EFCAB8: variants seen among roughly 807,000 people sequenced by gnomAD.
The protein encoded by EFCAB8 is EF-hand calcium-binding domain-containing protein 8.
In EFCAB8, 100 loss-of-function variants were observed where a neutral mutation model predicts 116.3. The ratio of observed to expected loss-of-function variants is 0.86; its 90% CI spans 0.73 to 1.02. The LOEUF is 1.02. EFCAB8 is among the 50% of genes least tolerant of loss of function. The pLI is 0.00. For synonymous variants in EFCAB8, 558 were observed against 567.9 expected, an observed-to-expected ratio of 0.98 and a Z score of 0.25; for missense variants, 1,320 against 1,416.9, an observed-to-expected ratio of 0.93 and a Z score of 1.10.
At chr20:32,920,536 C>G (rs1179888250) in intron 20 of EFCAB8, among the ~76,000 whole-genome samples, 3 of 152,108 alleles carry the variant, frequency 2.0e-5, no homozygotes, top group African/African-American at 4.8e-5. Flanking sequence ...GCTAAAGGTG[C>G]TTCTTACATG....
At chr20:32,930,024 T>G (rs756656140) in intron 20 of EFCAB8, among the ~76,000 whole-genome samples, 1 of 152,184 alleles carries the variant, frequency 6.6e-6, no homozygotes, top group Non-Finnish European at 1.5e-5. Flanking sequence ...GGGGAATGAG[T>G]TCCTTCCCCA....
chr20:32,961,327 C>G lies in EFCAB8; in HGVS notation c.3585C>G (p.Ala1195=). The change falls in exon 27 of 27, where the codon GCC becomes GCG. Residue 1195 remains alanine, a synonymous_variant. Coordinates refer to ENST00000400522, the MANE Select transcript of EFCAB8 (RefSeq NM_001143967.2). ...VLDTTDSTPA[A]ASSPSSLLSV... is the part of the protein sequence containing the mutation. Reference sequence around the variant, plus strand: ...ATACCACGGACAGCACGCCTGCGGCCGCCTCCTCCCCATCTTCCTTGTTAT... The same window carrying G: ...ATACCACGGACAGCACGCCTGCGGCGGCCTCCTCCCCATCTTCCTTGTTAT... 1.0e-5 allele frequency: 15 copies of G among 1,490,256 alleles called. No homozygotes were observed. The South Asian group carries it at 1.9e-4, about 19-fold the overall frequency. 92.3% of individuals were successfully genotyped at this position (1,490,256 alleles called of 1,614,324 possible).
Position 32,961,171 on chromosome 20 carries a change from T to G in EFCAB8, c.3429T>G (p.Ser1143Arg). The G allele has an allele frequency of 6.4e-7, 1 of 1,552,226 alleles. No individual in the cohort carries two copies. Among genetic ancestry groups the G allele is most frequent in the Non-Finnish European group, 8.7e-7 (1 of 1,147,090 alleles). ...AGGTCTACCAAAGCCTGCACTTCAG[T>G]GATCTGATGCCGACTCAGCAGCCTG... The part of the protein sequence containing the change: ...SPQVYQSLHF[S>R]DLMPTQQPDF... Residue 1143 changes from serine to arginine, a missense_variant, in exon 27 of 27, where the codon AGT (serine) becomes AGG (arginine). Physicochemically the swap from Ser to Arg is moderately radical, Grantham distance 110. Coordinates refer to ENST00000400522, the MANE Select transcript of EFCAB8 (RefSeq NM_001143967.2).
At chr20:32,877,458 C>T (rs909431336) in intron 4 of EFCAB8, among the ~76,000 whole-genome samples, 2 of 152,206 alleles carry the variant, frequency 1.3e-5, no homozygotes, top group African/African-American at 2.4e-5. Flanking sequence ...ATCCACCTGC[C>T]TCAGCCTCCC....
chr20:32,892,831 C>CTTT (rs59567336), intron 8 of EFCAB8, among the ~76,000 whole-genome samples: 3 of 134,130 alleles, frequency 2.2e-5, no homozygotes, highest in African/African-American at 2.8e-5. Flanking sequence ...TCCACAGCCT[C>CTTT]TTTTTTTTTT....
chr20:32,929,856 C>G (rs1365858679), intron 20 of EFCAB8, among the ~76,000 whole-genome samples: 2 of 152,156 alleles, frequency 1.3e-5, no homozygotes, highest in Non-Finnish European at 2.9e-5. Context: ...ACTGTGGCCC[C>G]CACATGGGCC....
At chr20:32,923,378 C>T (rs557095318) in intron 20 of EFCAB8, among the ~76,000 whole-genome samples, 10 of 150,494 alleles carry the variant, frequency 6.6e-5, no homozygotes, top group South Asian at 6.3e-4. Context: ...CCCAGCTAGT[C>T]GGGAGGCAGA....
intron 4 of EFCAB8, among the ~76,000 whole-genome samples, chr20:32,876,653 A>G (rs1457056033): frequency 6.6e-6 from 1 of 152,132 alleles, no homozygotes; most frequent in Non-Finnish European, 1.5e-5. Flanking sequence ...TAGGAATCCT[A>G]TGGGGTAGGT....
intron 7 of EFCAB8, 105 bp downstream of exon 7, chr20:32,889,511 C>G (rs548399521): frequency 5.2e-6 from 6 of 1,164,950 alleles, no homozygotes; most frequent in Middle Eastern, 2.2e-4. Flanking sequence ...TGGATCAGAG[C>G]CCCCTGGGAG....
intron 3 of EFCAB8, among the ~76,000 whole-genome samples, chr20:32,872,927 A>T (rs1465833241): frequency 1.3e-5 from 2 of 151,634 alleles, no homozygotes; most frequent in African/African-American, 4.9e-5. Context: ...CCCTGTCTCT[A>T]CTAAAAATAC....
chr20:32,953,504 T>G (rs1988864161), intron 23 of EFCAB8, among the ~76,000 whole-genome samples: 1 of 151,876 alleles, frequency 6.6e-6, no homozygotes, highest in African/African-American at 2.4e-5. Context: ...TTTGTTTTTG[T>G]TTTTTTTGTT....
intron 3 of EFCAB8, among the ~76,000 whole-genome samples, chr20:32,873,199 GA>G (rs1273070847): frequency 1.3e-5 from 2 of 152,084 alleles, no homozygotes; most frequent in Admixed American, 6.5e-5. Context: ...AAGAACCATG[GA>G]ACTGGGCAAT....
intron 3 of EFCAB8, 77 bp from the exon 4 acceptor site, chr20:32,875,849 A>G: frequency 7.6e-7 from 1 of 1,320,578 alleles, no homozygotes; most frequent in Non-Finnish European, 1.1e-6. Flanking sequence ...GCACCCAGAC[A>G]CTTGAGAACT....
At chr20:32,944,499 G>A (rs750469755) in intron 23 of EFCAB8, among the ~76,000 whole-genome samples, 3 of 152,010 alleles carry the variant, frequency 2.0e-5, no homozygotes, top group East Asian at 1.9e-4. Flanking sequence ...AGTGACTTAT[G>A]TGCCACTATT....
chr20:32,882,444 G>A (rs1985391718), intron 5 of EFCAB8, among the ~76,000 whole-genome samples: 1 of 152,240 alleles, frequency 6.6e-6, no homozygotes, highest in Non-Finnish European at 1.5e-5. Flanking sequence ...GAGGCTCATA[G>A]CCTGTGAGTA....
At chr20:32,960,275 C>G in intron 26 of EFCAB8, 114 bp downstream of exon 26, 3 of 970,254 alleles carry the variant, frequency 3.1e-6, no homozygotes, top group Non-Finnish European at 4.7e-6. Context: ...TGGACAGGAG[C>G]CTTTGTCCTT....
chr20:32,922,703 A>G (rs1202846123), intron 20 of EFCAB8, among the ~76,000 whole-genome samples: 2 of 152,130 alleles, frequency 1.3e-5, no homozygotes, highest in Non-Finnish European at 2.9e-5. Flanking sequence ...GCCTGAAGGA[A>G]GCGAGGAAAC....
intron 2 of EFCAB8, among the ~76,000 whole-genome samples, chr20:32,866,106 C>T (rs956341613): frequency 1.3e-5 from 2 of 152,032 alleles, no homozygotes; most frequent in Admixed American, 6.6e-5. Flanking sequence ...TGTTGGGCTC[C>T]GTGGAGGCAG....
intron 23 of EFCAB8, among the ~76,000 whole-genome samples, chr20:32,947,213 A>G (rs752910798): frequency 6.6e-6 from 1 of 152,230 alleles, no homozygotes; most frequent in Non-Finnish European, 1.5e-5. Context: ...TTGTGTCTTC[A>G]TCAACATTTG....
Sources: allele counts gnomAD v4.1 joint callset (sites outside exome capture counted in the v4.1 genomes callset), GRCh38; gene constraint gnomAD v4.1.1; transcripts MANE v1.5; gene names NCBI Gene and HGNC (gene_info 2026-07-23, HGNC 2026-07-21).